The following PIK3IP1 variants were observed in gnomAD, a reference collection of about 807,000 sequenced individuals.
PIK3IP1 encodes phosphoinositide-3-kinase-interacting protein 1.
A neutral mutation model predicts 30.7 loss-of-function variants in PIK3IP1; 28 were observed. The observed-to-expected ratio is 0.91, with a 90% CI of 0.68 to 1.25. PIK3IP1 has a LOEUF of 1.25. Ranked by LOEUF, PIK3IP1 falls within the 50% of genes most tolerant of loss-of-function variation. The pLI is 0.00. For synonymous variants in PIK3IP1, 159 were observed against 140.8 expected (o/e 1.13, Z -0.91); for missense variants, 333 against 346.2 (o/e 0.96, Z 0.30).
chr22:31,284,139 G>C (rs2049113520), intron 5 of PIK3IP1, among the ~76,000 whole-genome samples: 1 of 152,104 alleles, frequency 6.6e-6, no homozygotes, highest in African/African-American at 2.4e-5. Context: ...CCCGATCTCA[G>C]GTGATCCACC....
chr22:31,284,090 G>C (rs551144764), intron 5 of PIK3IP1, among the ~76,000 whole-genome samples: 2 of 152,100 alleles, frequency 1.3e-5, no homozygotes, highest in African/African-American at 4.8e-5. Flanking sequence ...TTTTAGTAGA[G>C]ATGGGGTTTC....
rs1368644599 is a variant in PIK3IP1, at chr22:31,283,287, C to T, written c.589G>A (p.Gly197Arg). ...GIILGYSYKR[G>R]KDLKEQHDQK... ...TCATGCTGTTCTTTCAAATCCTTCC[C>T]CCTGGCAGGAAAAAAACAAACAAAC... is the stretch of plus-strand genomic sequence containing the variant. The change falls in exon 6 of 6, where the codon GGG (glycine) becomes AGG (arginine). Residue 197 changes from glycine to arginine, a missense_variant and splice_region_variant. This residue lies in a region of PIK3IP1 where 217 missense variants were observed against 227.7 expected (regional missense o/e 0.95). Coordinates refer to ENST00000215912, the MANE Select transcript of PIK3IP1 (RefSeq NM_052880.5). 6.2e-7 allele frequency: 1 copy of T among 1,605,572 alleles called. No individual in the cohort carries two copies. The highest frequency in any genetic ancestry group is 1.7e-5 in the Admixed American group (1 of 59,310).
intron 1 of PIK3IP1, among the ~76,000 whole-genome samples, 173 bp from the exon 2 acceptor site, chr22:31,291,469 A>ACCCCCCCCCCCCCCCCCCCC (rs10558009): frequency 1.9e-5 from 2 of 104,692 alleles, no homozygotes; most frequent in Non-Finnish European, 2.2e-5. Context: ...CGCCCCACGC[A>ACCCCCCCCCCCCCCCCCCCC]CCCCCCCCCC....
rs767554256 is a variant in PIK3IP1 at position 31,290,933 on chromosome 22, G to A, written c.307+32C>T. The A allele has an allele frequency of 2.6e-6, 4 of 1,543,938 alleles. No individual in the cohort carries two copies. The South Asian group carries it at 4.8e-5, about 18-fold the overall frequency. ...CTCAGCCGCTTCCTGTCAGCGCCAG[G>A]AGCGGGGATTCCCGGGGTCCCGGGC... On this transcript the variant is annotated intron_variant, in intron 3 of 5. Transcript: ENST00000215912.
intron 5 of PIK3IP1, among the ~76,000 whole-genome samples, chr22:31,286,636 A>G (rs1476931970): frequency 2.0e-5 from 3 of 152,210 alleles, no homozygotes; most frequent in African/African-American, 7.2e-5. Context: ...CTAGAAGAAA[A>G]AAGACTTCCA....
intron 3 of PIK3IP1, 165 bp from the exon 4 acceptor site, chr22:31,289,864 G>A: frequency 2.9e-6 from 2 of 690,518 alleles, no homozygotes; most frequent in Non-Finnish European, 4.8e-6. Flanking sequence ...TCAGGCCTGA[G>A]AGGGCTGAAC....
upstream of PIK3IP1, chr22:31,292,505 G>A: frequency 1.6e-6 from 1 of 613,438 alleles, no homozygotes; most frequent in Non-Finnish European, 2.9e-6. Context: ...TTCCCAGCTA[G>A]CTTGCTGCAG....
chr22:31,281,811 C>CCT lies in PIK3IP1; in HGVS notation c.*1272_*1273insAG, dbSNP rs16444. On this transcript the variant is annotated 3_prime_UTR_variant, in exon 6 of 6. Transcript: ENST00000215912. The stretch of plus-strand genomic sequence containing the variant: ...GGCTCCATAGAAAGCCCCACTAACC[C>CCT]GTCTCCACATTGGGCAGTGGAAGGG... 120,668 of 152,492 alleles carry CCT rather than the reference C, an allele frequency of 0.79. 48,679 individuals carry two copies. The highest frequency in any genetic ancestry group is 0.95 in the African/African-American group (39,316 of 41,526). 9.4% of individuals were successfully genotyped at this position (152,492 alleles called of 1,614,324 possible).
intron 5 of PIK3IP1, among the ~76,000 whole-genome samples, chr22:31,284,205 A>G (rs942553239): frequency 3.9e-5 from 6 of 152,172 alleles, no homozygotes; most frequent in Non-Finnish European, 8.8e-5. Flanking sequence ...CACCCAGCCT[A>G]ATCCCTGTTT....
rs1368533704 is a variant in PIK3IP1 at position 31,290,852 on chromosome 22, G to A, written c.307+113C>T. ...AGACAGCCCTGGCCAATCGGACGGC[G>A]CGGAGGCGGAGCGGGGCCGGCCGGC... On this transcript the variant is annotated intron_variant, in intron 3 of 5. Transcript: ENST00000215912. 3.6e-6 allele frequency: 5 copies of A among 1,391,044 alleles called. No individual in the cohort carries two copies. The African/African-American group carries it at 6.1e-5, about 17-fold the overall frequency. The allele number at this position is 1,391,044 out of a possible 1,614,324, so 86.2% of individuals were successfully genotyped here. A position where few individuals can be genotyped will look rare whatever the true frequency, so the allele number is the denominator to read the frequency against.
chr22:31,284,090 G>A (rs551144764), intron 5 of PIK3IP1, among the ~76,000 whole-genome samples: 33 of 152,216 alleles, frequency 2.2e-4, no homozygotes, highest in African/African-American at 7.7e-4. Context: ...TTTTAGTAGA[G>A]ATGGGGTTTC....
intron 3 of PIK3IP1, chr22:31,290,319 G>A (rs2049164304): frequency 1.3e-5 from 2 of 152,292 alleles, no homozygotes; most frequent in East Asian, 1.9e-4. Context: ...AACGCGGAAG[G>A]CGGAAGTTGC....
At chr22:31,290,486 G>A (rs1050989630) in intron 3 of PIK3IP1, 5 of 155,102 alleles carry the variant, frequency 3.2e-5, no homozygotes, top group African/African-American at 1.2e-4. Flanking sequence ...CCTGCGCTCT[G>A]GAATCTAAGA....
intron 3 of PIK3IP1, chr22:31,289,902 GGAAGGCC>G: frequency 1.9e-6 from 1 of 527,324 alleles, no homozygotes; most frequent in Non-Finnish European, 3.4e-6. Flanking sequence ...AAATGAGAGA[GGAAGGCC>G]GTAGGGAAGG....
At chr22:31,288,182 G>A (rs2049145693) in intron 5 of PIK3IP1, among the ~76,000 whole-genome samples, 1 of 151,980 alleles carries the variant, frequency 6.6e-6, no homozygotes. Context: ...TTTGAGACTA[G>A]CCTGGGCAAC....
At position 31,291,101 on chromosome 22, in the gene PIK3IP1, G is replaced by C; in HGVS notation, c.188-17C>G. On this transcript the variant is annotated splice_polypyrimidine_tract_variant and intron_variant, in intron 2 of 5. Coordinates refer to ENST00000215912, the MANE Select transcript of PIK3IP1 (RefSeq NM_052880.5). ...TGCCGGCCCCTAAGAGAGGAGAGAAGGAAATGTGTGCCGGGGCTGGCACCG... is the reference window on the plus strand; with the variant it reads ...TGCCGGCCCCTAAGAGAGGAGAGAACGAAATGTGTGCCGGGGCTGGCACCG... 6.5e-7 allele frequency: 1 copy of C among 1,547,524 alleles called. No homozygotes were observed. The highest frequency in any genetic ancestry group is 8.7e-7 in the Non-Finnish European group (1 of 1,145,794).
intron 3 of PIK3IP1, chr22:31,289,915 G>A (rs530543401): frequency 2.5e-5 from 13 of 518,624 alleles, no homozygotes; most frequent in South Asian, 2.2e-4. Flanking sequence ...AGGCCGTAGG[G>A]AAGGGCTTCT....
intron 5 of PIK3IP1, among the ~76,000 whole-genome samples, chr22:31,284,727 CCT>C (rs1157952199): frequency 6.6e-6 from 1 of 152,170 alleles, no homozygotes; most frequent in African/African-American, 2.4e-5. Context: ...TTTTCCCTCC[CCT>C]TTTTATCAGA....
chr22:31,291,110 T>C (rs750770113), intron 2 of PIK3IP1, 26 bp from the exon 3 acceptor site: 31 of 1,544,278 alleles, frequency 2.0e-5, no homozygotes, highest in Non-Finnish European at 2.5e-5. Flanking sequence ...AGGAAATGTG[T>C]GCCGGGGCTG....
Sources: gnomAD v4.1 joint callset for allele counts (sites outside exome capture counted in the v4.1 genomes callset) on GRCh38, gnomAD v4.1.1 for gene constraint, gnomAD v4.1.1 regional missense constraint, MANE v1.5 for transcripts, NCBI Gene and HGNC (gene_info 2026-07-23, HGNC 2026-07-21) for gene names.